PDGFD: variants seen among roughly 807,000 people sequenced by gnomAD.
The protein encoded by PDGFD is platelet derived growth factor D.
PDGFD carries 30 observed loss-of-function variants against 44.7 expected under a neutral mutation model. The ratio of observed to expected loss-of-function variants is 0.67; its 90% CI spans 0.50 to 0.91. The LOEUF is 0.91. Ranked by LOEUF, PDGFD falls within the 40% of genes least tolerant of loss-of-function variation. The pLI is 0.00. For synonymous variants in PDGFD, 173 were observed against 168.4 expected (o/e 1.03, Z -0.21); for missense variants, 445 against 457.8 (o/e 0.97, Z 0.25).
intron 1 of PDGFD, among the ~76,000 whole-genome samples, chr11:104,100,270 G>A (rs1156287678): frequency 6.6e-6 from 1 of 152,082 alleles, no homozygotes; most frequent in Admixed American, 6.6e-5. Flanking sequence ...AATAAAAAAT[G>A]ATAAAGGGGA....
At chr11:104,148,661 G>A (rs984485650) in intron 1 of PDGFD, among the ~76,000 whole-genome samples, 1 of 152,026 alleles carries the variant, frequency 6.6e-6, no homozygotes, top group Non-Finnish European at 1.5e-5. Context: ...TGTGTCATGG[G>A]GGTTTGTTGT....
intron 1 of PDGFD, among the ~76,000 whole-genome samples, chr11:104,122,314 G>T (rs573395770): frequency 4.8e-4 from 73 of 152,134 alleles, no homozygotes; most frequent in African/African-American, 1.7e-3. Flanking sequence ...GTCAGGCAGA[G>T]AACTCATCTG....
intron 3 of PDGFD, among the ~76,000 whole-genome samples, chr11:103,991,914 G>A (rs985116728): frequency 6.6e-6 from 1 of 152,134 alleles, no homozygotes; most frequent in Admixed American, 6.5e-5. Context: ...ACCCTTGTTT[G>A]TTCAGTTCTC....
At chr11:103,946,901 C>T (rs1186008518) in intron 4 of PDGFD, among the ~76,000 whole-genome samples, 1 of 152,128 alleles carries the variant, frequency 6.6e-6, no homozygotes, top group East Asian at 1.9e-4. Flanking sequence ...AGATAACATA[C>T]CAATTTTAGG....
At chr11:103,927,245 A>G (rs900740119) in intron 5 of PDGFD, 119 bp from the exon 6 acceptor site, 7 of 862,664 alleles carry the variant, frequency 8.1e-6, no homozygotes, top group Non-Finnish European at 1.3e-5. Flanking sequence ...CTGGGATTAA[A>G]TCCATCCTCA....
intron 3 of PDGFD, among the ~76,000 whole-genome samples, chr11:103,959,509 G>C (rs773680869): frequency 9.9e-5 from 15 of 152,072 alleles, no homozygotes; most frequent in Non-Finnish European, 1.5e-4. Context: ...GTATATTCTT[G>C]ACTTTGTACT....
intron 5 of PDGFD, among the ~76,000 whole-genome samples, chr11:103,931,009 C>T (rs531125444): frequency 6.6e-6 from 1 of 152,232 alleles, no homozygotes; most frequent in South Asian, 2.1e-4. Context: ...CATCTAGGAG[C>T]TGAATGGATT....
intron 1 of PDGFD, among the ~76,000 whole-genome samples, chr11:104,124,893 AT>A (rs1214115258): frequency 2.6e-5 from 4 of 152,250 alleles, no homozygotes; most frequent in African/African-American, 4.8e-5. Context: ...TATAAAAAAA[AT>A]GATCATTTAG....
chr11:104,043,618 T>C (rs1047397344), intron 1 of PDGFD, among the ~76,000 whole-genome samples: 11 of 152,188 alleles, frequency 7.2e-5, no homozygotes, highest in African/African-American at 2.6e-4. Context: ...AGTAAAGAAG[T>C]TTATTTGGCT....
intron 1 of PDGFD, among the ~76,000 whole-genome samples, chr11:104,044,562 G>A (rs921508007): frequency 6.6e-6 from 1 of 152,078 alleles, no homozygotes; most frequent in Non-Finnish European, 1.5e-5. Context: ...GAATAAATAT[G>A]CTATGGGTTG....
chr11:103,908,861 G>A lies in PDGFD; in HGVS notation c.*833C>T, dbSNP rs1222019524. 6.6e-6 allele frequency: 1 copy of A among 152,036 alleles called. No homozygotes were observed. The highest frequency in any genetic ancestry group is 1.5e-5 in the Non-Finnish European group (1 of 68,000). 9.4% of individuals were successfully genotyped at this position (152,036 alleles called of 1,614,324 possible). A position where few individuals can be genotyped will look rare whatever the true frequency, so the allele number is the denominator to read the frequency against. Reference sequence around the variant, plus strand: ...TTGAAAGGATTTGCTTTTGTGGAGGGGTTTTGCAAAGAAAAACAATTCAAA... The same window carrying A: ...TTGAAAGGATTTGCTTTTGTGGAGGAGTTTTGCAAAGAAAAACAATTCAAA... On this transcript the variant is annotated 3_prime_UTR_variant, in exon 7 of 7. Transcript: ENST00000393158.
intron 1 of PDGFD, among the ~76,000 whole-genome samples, chr11:104,069,609 C>T (rs1383921147): frequency 6.6e-6 from 1 of 152,152 alleles, no homozygotes; most frequent in African/African-American, 2.4e-5. Flanking sequence ...GCCTGTAATC[C>T]CAGCACTTTG....
intron 3 of PDGFD, among the ~76,000 whole-genome samples, chr11:103,949,547 T>C (rs1490395995): frequency 6.6e-6 from 1 of 152,228 alleles, no homozygotes; most frequent in East Asian, 1.9e-4. Context: ...GGAGGACATA[T>C]GCCAGGTATG....
intron 1 of PDGFD, among the ~76,000 whole-genome samples, chr11:104,153,755 C>G (rs1022382250): frequency 6.6e-6 from 1 of 152,008 alleles, no homozygotes; most frequent in Non-Finnish European, 1.5e-5. Flanking sequence ...TCATTGTATA[C>G]CTCAAATAGC....
At chr11:104,067,013 C>A (rs958150589) in intron 1 of PDGFD, among the ~76,000 whole-genome samples, 3 of 152,170 alleles carry the variant, frequency 2.0e-5, no homozygotes, top group Non-Finnish European at 4.4e-5. Flanking sequence ...GTGACGAAAG[C>A]TGACTGTTAT....
intron 1 of PDGFD, among the ~76,000 whole-genome samples, chr11:104,006,090 G>T (rs1473859172): frequency 6.6e-6 from 1 of 152,156 alleles, no homozygotes; most frequent in Non-Finnish European, 1.5e-5. Context: ...AGGAGCTCAT[G>T]AAAGTCACTG....
chr11:104,089,036 C>T (rs898319869), intron 1 of PDGFD, among the ~76,000 whole-genome samples: 2 of 152,060 alleles, frequency 1.3e-5, no homozygotes, highest in Admixed American at 1.3e-4. Context: ...AGACAAATTG[C>T]CTAATTAGAA....
At chr11:104,111,455 G>C (rs1861556407) in intron 1 of PDGFD, among the ~76,000 whole-genome samples, 1 of 151,718 alleles carries the variant, frequency 6.6e-6, no homozygotes, top group Admixed American at 6.6e-5. Flanking sequence ...ACAGGGTCCT[G>C]CCATGTTGCT....
chr11:103,934,480 A>C (rs528154111), intron 5 of PDGFD, among the ~76,000 whole-genome samples: 1 of 152,340 alleles, frequency 6.6e-6, no homozygotes, highest in Admixed American at 6.5e-5. Flanking sequence ...TATCCTTTGC[A>C]AGTGTATTAG....
Sources: gnomAD v4.1 joint callset for allele counts (sites outside exome capture counted in the v4.1 genomes callset) on GRCh38, gnomAD v4.1.1 for gene constraint, MANE v1.5 for transcripts, NCBI Gene and HGNC (gene_info 2026-07-23, HGNC 2026-07-21) for gene names.